ACTR3: variants seen among roughly 807,000 people sequenced by gnomAD.
ACTR3 encodes the protein actin-related protein 3.
A neutral mutation model predicts 56.8 loss-of-function variants in ACTR3; 12 were observed. The ratio of observed to expected loss-of-function variants is 0.21; its 90% CI spans 0.14 to 0.34. The LOEUF is 0.34. Among genes scored for constraint, ACTR3 ranks in the 10% least tolerant of loss-of-function variants. ACTR3 has a pLI of 1.00. For missense variants in ACTR3, 282 were observed against 512.5 expected (o/e 0.55, Z 4.34); for synonymous variants, 162 against 167.4 (o/e 0.97, Z 0.25).
chr2:113,942,412 A>C, intron 8 of ACTR3, 53 bp downstream of exon 8: 1 of 1,243,526 alleles, frequency 8.0e-7, no homozygotes, highest in Non-Finnish European at 1.1e-6. Context: ...AATATGAATT[A>C]ATAGATATTC....
chr2:113,891,107 C>T (rs763041481), intron 1 of ACTR3, among the ~76,000 whole-genome samples: 34 of 152,144 alleles, frequency 2.2e-4, no homozygotes, highest in Non-Finnish European at 4.3e-4. Context: ...TTTTTAGTTT[C>T]CAACCTGAGC....
intron 3 of ACTR3, among the ~76,000 whole-genome samples, chr2:113,925,303 C>T (rs10195450): frequency 0.027 from 3,987 of 149,358 alleles, 142 homozygotes; most frequent in African/African-American, 0.078. Flanking sequence ...TCAAGTGATT[C>T]TCTTGTCTCA....
intron 3 of ACTR3, among the ~76,000 whole-genome samples, chr2:113,923,076 T>G (rs1679539952): frequency 6.6e-6 from 1 of 152,186 alleles, no homozygotes; most frequent in Non-Finnish European, 1.5e-5. Context: ...TTAAACGCAT[T>G]TTTAAGTCTT....
rs1159734073 is a variant in ACTR3, at chr2:113,890,270, G to T, written c.-10G>T. ...GACGGCGGCAGCAGCAGCAGCAGGCGAGGAGGAAGATGGCGGGACGGCTGC... is the reference window on the plus strand; with the variant it reads ...GACGGCGGCAGCAGCAGCAGCAGGCTAGGAGGAAGATGGCGGGACGGCTGC... On this transcript the variant is annotated 5_prime_UTR_variant, in exon 1 of 12. Transcript: ENST00000263238. 5 of 1,551,088 alleles carry T rather than the reference G, an allele frequency of 3.2e-6. No individual in the cohort carries two copies. The highest frequency in any genetic ancestry group is 2.6e-6 in the Non-Finnish European group (3 of 1,146,860).
intron 1 of ACTR3, among the ~76,000 whole-genome samples, chr2:113,893,333 C>T (rs1678943236): frequency 6.6e-6 from 1 of 151,548 alleles, no homozygotes; most frequent in Non-Finnish European, 1.5e-5. Flanking sequence ...CTTGCCCTGT[C>T]GCTGGGCTGG....
intron 1 of ACTR3, among the ~76,000 whole-genome samples, chr2:113,910,949 A>C (rs1444762396): frequency 6.6e-6 from 1 of 152,234 alleles, no homozygotes; most frequent in Non-Finnish European, 1.5e-5. Context: ...TTAATAATTC[A>C]CTATTGGTTA....
At chr2:113,943,642 C>A (rs867706596) in intron 8 of ACTR3, among the ~76,000 whole-genome samples, 1 of 152,030 alleles carries the variant, frequency 6.6e-6, no homozygotes, top group Non-Finnish European at 1.5e-5. Context: ...AAAATAGAAT[C>A]AACATAATCA....
At chr2:113,948,387 C>G (rs1035790614) in intron 8 of ACTR3, among the ~76,000 whole-genome samples, 1 of 152,072 alleles carries the variant, frequency 6.6e-6, no homozygotes, top group South Asian at 2.1e-4. Flanking sequence ...TGGGCTCGAG[C>G]AATTCACCCA....
chr2:113,952,086 TA>T (rs1259078486), intron 10 of ACTR3: 502 of 412,864 alleles, frequency 1.2e-3, no homozygotes, highest in East Asian at 4.4e-3. Context: ...ACTTTTTTTT[TA>T]AATACCTCTC....
intron 8 of ACTR3, among the ~76,000 whole-genome samples, chr2:113,948,628 T>G (rs1680064156): frequency 6.6e-6 from 1 of 152,224 alleles, no homozygotes; most frequent in African/African-American, 2.4e-5. Context: ...ATTTTGTTCA[T>G]ATCTGAGCCA....
chr2:113,956,755 A>G (rs1054302823), intron 11 of ACTR3, among the ~76,000 whole-genome samples: 12 of 152,230 alleles, frequency 7.9e-5, no homozygotes, highest in Non-Finnish European at 1.5e-4. Flanking sequence ...ATAACTGTAC[A>G]ACTTTGGATT....
chr2:113,896,953 G>A (rs891972675), intron 1 of ACTR3, among the ~76,000 whole-genome samples: 1 of 152,208 alleles, frequency 6.6e-6, no homozygotes, highest in African/African-American at 2.4e-5. Flanking sequence ...AGGAGCAGAA[G>A]TTTGGAATGG....
intron 1 of ACTR3, among the ~76,000 whole-genome samples, chr2:113,895,300 TAA>T: frequency 6.6e-6 from 1 of 152,196 alleles, no homozygotes; most frequent in South Asian, 2.1e-4. Flanking sequence ...AATTTAGTCT[TAA>T]GAGAGGTTAA....
At chr2:113,946,935 A>G (rs1228337570) in intron 8 of ACTR3, among the ~76,000 whole-genome samples, 1 of 152,204 alleles carries the variant, frequency 6.6e-6, no homozygotes, top group Non-Finnish European at 1.5e-5. Flanking sequence ...TCCAAACAGG[A>G]TTGAAATATT....
chr2:113,908,969 T>G (rs1389812038), intron 1 of ACTR3, among the ~76,000 whole-genome samples: 2 of 152,168 alleles, frequency 1.3e-5, no homozygotes, highest in Non-Finnish European at 2.9e-5. Context: ...TCCCCTCATA[T>G]TTTTTAAGAA....
At chr2:113,923,799 T>A (rs1043609835) in intron 3 of ACTR3, among the ~76,000 whole-genome samples, 3 of 151,948 alleles carry the variant, frequency 2.0e-5, no homozygotes, top group Admixed American at 6.6e-5. Context: ...TTAAAGACTT[T>A]CTCTAGGTGA....
intron 8 of ACTR3, among the ~76,000 whole-genome samples, chr2:113,944,375 A>G (rs578006909): frequency 6.6e-6 from 1 of 152,206 alleles, no homozygotes; most frequent in South Asian, 2.1e-4. Context: ...AAGTATAGGT[A>G]CAGGAAAATG....
Position 113,903,427 on chromosome 2 carries a change from C to T in ACTR3, c.45-9745C>T, listed in dbSNP as rs971638417. Among the ~76,000 whole-genome samples, 6 of 151,366 alleles carry T rather than the reference C, an allele frequency of 4.0e-5. No homozygotes were observed. The South Asian group carries it at 8.3e-4, about 21-fold the overall frequency. ...TGTTGCCCAGGCTGGAGTGCAGTGG[C>T]GCAGCCTTGGCCCACTGCAACCTCT... is the stretch of plus-strand genomic sequence containing the variant. On this transcript the variant is annotated intron_variant, in intron 1 of 11. Coordinates refer to ENST00000263238, the MANE Select transcript of ACTR3 (RefSeq NM_005721.5).
At chr2:113,901,812 A>G (rs1162166241) in intron 1 of ACTR3, among the ~76,000 whole-genome samples, 1 of 152,230 alleles carries the variant, frequency 6.6e-6, no homozygotes, top group African/African-American at 2.4e-5. Flanking sequence ...TCAGAATTGT[A>G]ATGGAACATT....
Sources: allele counts gnomAD v4.1 joint callset (sites outside exome capture counted in the v4.1 genomes callset), GRCh38; gene constraint gnomAD v4.1.1; transcripts MANE v1.5; gene names NCBI Gene and HGNC (gene_info 2026-07-23, HGNC 2026-07-21).